Variants in CHD9NB observed in about 807,000 individuals in gnomAD.
CHD9NB encodes the protein CHD9 neighbor protein.
chr16:53,048,192 C>T, the CHD9NB span, among the ~76,000 whole-genome samples: 1 of 151,964 alleles, frequency 6.6e-6, no homozygotes, highest in African/African-American at 2.4e-5. Flanking sequence ...TCACTTGAAC[C>T]CAGGGGTTCG....
the CHD9NB span, among the ~76,000 whole-genome samples, chr16:53,041,960 C>G: frequency 5.4e-4 from 82 of 152,324 alleles, no homozygotes; most frequent in East Asian, 0.011. Flanking sequence ...GCCCCCATCC[C>G]TCCTGCTCCT....
chr16:53,042,317 C>T, the CHD9NB span, among the ~76,000 whole-genome samples: 1 of 146,782 alleles, frequency 6.8e-6, no homozygotes, highest in Non-Finnish European at 1.5e-5. Flanking sequence ...CGTCTCCCCT[C>T]TCCTTCTCTC....
the CHD9NB span, among the ~76,000 whole-genome samples, chr16:53,051,323 A>C: frequency 6.6e-6 from 1 of 152,184 alleles, no homozygotes; most frequent in Admixed American, 6.5e-5. Context: ...TTTCCCTTTG[A>C]AGAAAAGGGT....
At chr16:53,040,023 T>A in the CHD9NB span, among the ~76,000 whole-genome samples, 1 of 152,146 alleles carries the variant, frequency 6.6e-6, no homozygotes, top group African/African-American at 2.4e-5. Flanking sequence ...CCCATCAAGA[T>A]AAACTCTCAA....
the CHD9NB span, among the ~76,000 whole-genome samples, chr16:53,037,475 G>A: frequency 1.3e-5 from 2 of 152,186 alleles, no homozygotes; most frequent in Non-Finnish European, 2.9e-5. Flanking sequence ...GGAAAAGTTT[G>A]TATTATCAAC....
the CHD9NB span, chr16:53,043,134 G>A: frequency 1.3e-5 from 2 of 152,302 alleles, no homozygotes; most frequent in African/African-American, 4.8e-5. Flanking sequence ...AAATGAAAAC[G>A]CTTTTGAGTG....
chr16:53,042,577 C>A, the CHD9NB span, among the ~76,000 whole-genome samples: 1 of 148,568 alleles, frequency 6.7e-6, no homozygotes, highest in Non-Finnish European at 1.5e-5. Flanking sequence ...CCCTCTCCGT[C>A]TCTTCCTCCC....
At chr16:53,042,350 C>T in the CHD9NB span, among the ~76,000 whole-genome samples, 26 of 150,464 alleles carry the variant, frequency 1.7e-4, no homozygotes, top group African/African-American at 4.6e-4. Flanking sequence ...TGCCTCTCCC[C>T]GCTCTTTCAT....
At chr16:53,045,665 C>G in the CHD9NB span, among the ~76,000 whole-genome samples, 4 of 152,300 alleles carry the variant, frequency 2.6e-5, no homozygotes, top group East Asian at 7.7e-4. Context: ...GACATTGACT[C>G]GGATTCACTT....
At chr16:53,040,031 C>T in the CHD9NB span, among the ~76,000 whole-genome samples, 1 of 152,130 alleles carries the variant, frequency 6.6e-6, no homozygotes. Flanking sequence ...GATAAACTCT[C>T]AAGCTCTCAG....
chr16:53,041,858 C>T, the CHD9NB span, among the ~76,000 whole-genome samples: 2 of 152,160 alleles, frequency 1.3e-5, no homozygotes, highest in African/African-American at 4.8e-5. Flanking sequence ...CCCAAACTTC[C>T]TGATCCCCAG....
At chr16:53,039,299 T>C in the CHD9NB span, among the ~76,000 whole-genome samples, 1 of 152,186 alleles carries the variant, frequency 6.6e-6, no homozygotes, top group Non-Finnish European at 1.5e-5. Flanking sequence ...ATCAGGACGA[T>C]GTCTCTCCTT....
At chr16:53,042,442 T>G in the CHD9NB span, among the ~76,000 whole-genome samples, 3 of 149,232 alleles carry the variant, frequency 2.0e-5, no homozygotes, top group Non-Finnish European at 4.5e-5. Flanking sequence ...CTTTTTCTTC[T>G]TGCCCTCTCT....
the CHD9NB span, among the ~76,000 whole-genome samples, chr16:53,052,582 C>T: frequency 4.6e-5 from 7 of 152,226 alleles, no homozygotes; most frequent in African/African-American, 1.7e-4. Flanking sequence ...ACTAGGAAGA[C>T]TTAATCTCAT....
At chr16:53,036,357 G>A in the CHD9NB span, among the ~76,000 whole-genome samples, 1 of 152,204 alleles carries the variant, frequency 6.6e-6, no homozygotes, top group Non-Finnish European at 1.5e-5. Context: ...AGAAGCCATT[G>A]GTCACCGTCT....
chr16:53,041,381 C>T, the CHD9NB span, among the ~76,000 whole-genome samples: 1 of 152,218 alleles, frequency 6.6e-6, no homozygotes, highest in Non-Finnish European at 1.5e-5. Flanking sequence ...AAACTGAGTA[C>T]TTTTTTCTGT....
At chr16:53,046,727 G>A in the CHD9NB span, among the ~76,000 whole-genome samples, 1 of 152,026 alleles carries the variant, frequency 6.6e-6, no homozygotes, top group South Asian at 2.1e-4. Flanking sequence ...TCTTGCCTGT[G>A]ACCACCTCTC....
chr16:53,049,140 T>C, the CHD9NB span, among the ~76,000 whole-genome samples: 2 of 152,122 alleles, frequency 1.3e-5, no homozygotes, highest in Admixed American at 6.6e-5. Context: ...ATTACAGGCA[T>C]GAGCCACTGG....
At chr16:53,048,857 C>G in the CHD9NB span, among the ~76,000 whole-genome samples, 1 of 152,162 alleles carries the variant, frequency 6.6e-6, no homozygotes, top group African/African-American at 2.4e-5. Flanking sequence ...TCTGGTCTCT[C>G]CCAGGTATAC....
Sources: gnomAD v4.1 joint callset for allele counts (sites outside exome capture counted in the v4.1 genomes callset) on GRCh38, gnomAD v4.1.1 for gene constraint, MANE v1.5 for transcripts, NCBI Gene and HGNC (gene_info 2026-07-23, HGNC 2026-07-21) for gene names.